The following HIF1AN variants were observed in gnomAD, a reference collection of about 807,000 sequenced individuals.
HIF1AN encodes hypoxia inducible factor 1 subunit alpha inhibitor.
In HIF1AN, 21 loss-of-function variants were observed where a neutral mutation model predicts 47.7. The observed-to-expected ratio is 0.44, with a 90% confidence interval of 0.31 to 0.63. The LOEUF is 0.63. Among genes scored for constraint, HIF1AN ranks in the 30% least tolerant of loss-of-function variants. The probability of loss-of-function intolerance (pLI) is 0.07; values close to 1 mark genes in which losing one functional copy is unlikely to be tolerated. For synonymous variants in HIF1AN, 152 were observed against 155.9 expected (o/e 0.98, Z 0.18); for missense variants, 320 against 432.7 (o/e 0.74, Z 2.31).
At chr10:100,536,799 C>A in intron 2 of HIF1AN, 138 bp downstream of exon 2, 2 of 956,012 alleles carry the variant, frequency 2.1e-6, no homozygotes, top group Non-Finnish European at 1.6e-6. Context: ...AAGGAGTAGT[C>A]TGGTCTTCCA....
chr10:100,536,609 C>G lies in HIF1AN; in HGVS notation c.376C>G (p.His126Asp). Reference protein sequence around the residue: ...PRSNREEMKFHEFVEKLQDIQ... With the variant: ...PRSNREEMKFDEFVEKLQDIQ... ...GTCCAACAGGGAAGAAATGAAATTT[C>G]ATGAGTTCGTTGAGAAACTGCAGGA... The change falls in exon 2 of 8, where the codon CAT becomes GAT. Residue 126 changes from histidine (H) to aspartate (D), a missense_variant. Coordinates refer to ENST00000299163, the MANE Select transcript of HIF1AN (RefSeq NM_017902.3). 6.2e-7 allele frequency: 1 copy of G among 1,614,146 alleles called. No homozygotes were observed.
At chr10:100,547,001 A>G (rs1009105758) in intron 6 of HIF1AN, 139 bp from the exon 7 acceptor site, 2 of 626,628 alleles carry the variant, frequency 3.2e-6, no homozygotes, top group African/African-American at 3.7e-5. Flanking sequence ...CGGCCTCCCA[A>G]AGTGCTGGGA....
rs1159487267 is a variant in HIF1AN at position 100,555,863 on chromosome 10, C to T, written c.*7726C>T. 6.6e-6 allele frequency: 1 copy of T among 152,204 alleles called. No individual in the cohort carries two copies. The highest frequency in any genetic ancestry group is 1.5e-5 in the Non-Finnish European group (1 of 68,054). 9.4% of individuals were successfully genotyped at this position (152,204 alleles called of 1,614,324 possible). On this transcript the variant is annotated 3_prime_UTR_variant, in exon 8 of 8. Transcript: ENST00000299163. ...TAAGCTTGGGCCAGGTTTTTATTACCTCTTGAATATATATAGTGCAATATA... is the reference window on the plus strand; with the variant it reads ...TAAGCTTGGGCCAGGTTTTTATTACTTCTTGAATATATATAGTGCAATATA...
intron 2 of HIF1AN, among the ~76,000 whole-genome samples, chr10:100,537,569 C>A (rs1476591811): frequency 6.6e-6 from 1 of 152,238 alleles, no homozygotes; most frequent in Non-Finnish European, 1.5e-5. Flanking sequence ...ACAAGACACA[C>A]AAGACAGTGA....
chr10:100,536,260 G>T, intron 1 of HIF1AN, 125 bp downstream of exon 1: 2 of 1,284,678 alleles, frequency 1.6e-6, no homozygotes, highest in Non-Finnish European at 2.2e-6. Flanking sequence ...AAGATGGAGA[G>T]AAAGGCGAGG....
rs989425412 is a variant in HIF1AN at position 100,536,487 on chromosome 10, T to C, written c.254T>C (p.Ile85Thr). The change falls in exon 2 of 8, where the codon ATT becomes ACT. Residue 85 changes from isoleucine to threonine, a missense_variant. Transcript: ENST00000299163. ...KWDLEYLQEN[I>T]GNGDFSVYSA... ...GACCTTGAATACCTGCAAGAGAATA[T>C]TGGCAATGGAGACTTCTCTGTGTAC... is the stretch of plus-strand genomic sequence containing the variant. 8 of 1,614,156 alleles carry C rather than the reference T, an allele frequency of 5.0e-6. No homozygotes were observed. Among genetic ancestry groups the C allele is most frequent in the Non-Finnish European group, 5.9e-6 (7 of 1,180,020 alleles).
rs1450485015 is a variant in HIF1AN, at chr10:100,557,378, CTA to C, written c.*9243_*9244del. On this transcript the variant is annotated 3_prime_UTR_variant, in exon 8 of 8. Transcript: ENST00000299163. ...TGACCTGCCAATGTGTGTGGAAATA[CTA>C]TGTAAACTGAGCACTATATAAATGC... 6.6e-6 allele frequency: 1 copy of C among 152,154 alleles called. No homozygotes were observed. The highest frequency in any genetic ancestry group is 1.5e-5 in the Non-Finnish European group (1 of 68,030). The allele number at this position is 152,154 out of a possible 1,614,324, so 9.4% of individuals were successfully genotyped here. A position where few individuals can be genotyped will look rare whatever the true frequency, so the allele number is the denominator to read the frequency against.
At chr10:100,539,674 C>T (rs1219654051) in intron 2 of HIF1AN, among the ~76,000 whole-genome samples, 1 of 152,190 alleles carries the variant, frequency 6.6e-6, no homozygotes, top group Non-Finnish European at 1.5e-5. Flanking sequence ...GTAGTGGTAA[C>T]TTGTTCTTAA....
At position 100,549,102 on chromosome 10, in the gene HIF1AN, G is replaced by C. The variant is rs548040146; in HGVS notation, c.*965G>C. 6.6e-6 allele frequency: 1 copy of C among 152,386 alleles called. No individual in the cohort carries two copies. The highest frequency in any genetic ancestry group is 2.4e-5 in the African/African-American group (1 of 41,294). The allele number at this position is 152,386 out of a possible 1,614,324, so 9.4% of individuals were successfully genotyped here. On this transcript the variant is annotated 3_prime_UTR_variant, in exon 8 of 8. Coordinates refer to ENST00000299163, the MANE Select transcript of HIF1AN (RefSeq NM_017902.3). The stretch of plus-strand genomic sequence containing the variant: ...TGTGTCCGTGTGTGTGTGTGTGTGT[G>C]TCCACACTGGCCAGCCTCCCTACTT...
rs1843217899 is a variant in HIF1AN at position 100,556,810 on chromosome 10, GTAGCATTGT to G, written c.*8676_*8684del. 1.3e-5 allele frequency: 2 copies of G among 152,184 alleles called. No homozygotes were observed. The highest frequency in any genetic ancestry group is 6.5e-5 in the Admixed American group (1 of 15,280). 9.4% of individuals were successfully genotyped at this position (152,184 alleles called of 1,614,324 possible). ...AGGGGTAGGAAATAGCACATAACTT[GTAGCATTGT>G]TATAAGGGCTCGTGATAATGTTTTT... On this transcript the variant is annotated 3_prime_UTR_variant, in exon 8 of 8. Transcript: ENST00000299163.
chr10:100,541,581 A>G (rs983185950), intron 3 of HIF1AN, among the ~76,000 whole-genome samples: 2 of 151,262 alleles, frequency 1.3e-5, no homozygotes, highest in Non-Finnish European at 2.9e-5. Context: ...GCTCACTGCA[A>G]CCTCCGCCTC....
Position 100,554,861 on chromosome 10 carries a change from C to G in HIF1AN, c.*6724C>G, listed in dbSNP as rs1380984637. Reference sequence around the variant, plus strand: ...TTAAGATTGTTCTAGGGGAGAAGGGCAATCAAAATTCAGAAAAATATGAGT... The same window carrying G: ...TTAAGATTGTTCTAGGGGAGAAGGGGAATCAAAATTCAGAAAAATATGAGT... On this transcript the variant is annotated 3_prime_UTR_variant, in exon 8 of 8. Coordinates refer to ENST00000299163, the MANE Select transcript of HIF1AN (RefSeq NM_017902.3). 1 of 151,328 alleles carries G rather than the reference C, an allele frequency of 6.6e-6. No homozygotes were observed. The highest frequency in any genetic ancestry group is 1.9e-4 in the East Asian group (1 of 5,172). The allele number at this position is 151,328 out of a possible 1,614,324, so 9.4% of individuals were successfully genotyped here. A position where few individuals can be genotyped will look rare whatever the true frequency, so the allele number is the denominator to read the frequency against.
At chr10:100,542,849 T>TG (rs1201399834) in intron 3 of HIF1AN, among the ~76,000 whole-genome samples, 2 of 90,408 alleles carry the variant, frequency 2.2e-5, no homozygotes, top group African/African-American at 8.4e-5. Context: ...TGAATGTGTT[T>TG]TTTTTTTTTT....
Position 100,554,968 on chromosome 10 carries a change from A to T in HIF1AN, c.*6831A>T, listed in dbSNP as rs530807416. ...CGTCCCCATGTGGTGCTCTCAGATC[A>T]GTAGGGGAGACAGGCAGGCAGTTAG... On this transcript the variant is annotated 3_prime_UTR_variant, in exon 8 of 8. Transcript: ENST00000299163. 6.6e-6 allele frequency: 1 copy of T among 152,304 alleles called. No homozygotes were observed. Among genetic ancestry groups the T allele is most frequent in the East Asian group, 1.9e-4 (1 of 5,184 alleles). 9.4% of individuals were successfully genotyped at this position (152,304 alleles called of 1,614,324 possible). A position where few individuals can be genotyped will look rare whatever the true frequency, so the allele number is the denominator to read the frequency against.
In HIF1AN at chr10:100,555,213, G is replaced by A. The variant is rs1843205095; in HGVS notation, c.*7076G>A. 1 of 152,238 alleles carries A rather than the reference G, an allele frequency of 6.6e-6. No individual in the cohort carries two copies. The highest frequency in any genetic ancestry group is 2.4e-5 in the African/African-American group (1 of 41,458). 9.4% of individuals were successfully genotyped at this position (152,238 alleles called of 1,614,324 possible). A position where few individuals can be genotyped will look rare whatever the true frequency, so the allele number is the denominator to read the frequency against. On this transcript the variant is annotated 3_prime_UTR_variant, in exon 8 of 8. Coordinates refer to ENST00000299163, the MANE Select transcript of HIF1AN (RefSeq NM_017902.3). The stretch of plus-strand genomic sequence containing the variant: ...TTGTCGTACCTTACTCCAGGGAATG[G>A]GTGAGACAGTAGATCCCAAGAAGAA...
At chr10:100,547,983 A>C in intron 7 of HIF1AN, 110 bp from the exon 8 acceptor site, 1 of 979,136 alleles carries the variant, frequency 1.0e-6, no homozygotes, top group Non-Finnish European at 1.6e-6. Flanking sequence ...GATTGTATGA[A>C]AACATTGTCT....
At chr10:100,542,846 G>GT (rs397730143) in intron 3 of HIF1AN, among the ~76,000 whole-genome samples, 72,943 of 109,738 alleles carry the variant, frequency 0.66, 25,278 homozygotes, top group East Asian at 0.76. Context: ...ATGTGAATGT[G>GT]TTTTTTTTTT....
rs1852222729 is a variant in HIF1AN at position 100,536,445 on chromosome 10, A to G, written c.212A>G (p.Tyr71Cys). 2.5e-6 allele frequency: 4 copies of G among 1,614,174 alleles called. No homozygotes were observed. Among genetic ancestry groups the G allele is most frequent in the Non-Finnish European group, 3.4e-6 (4 of 1,180,016 alleles). ...PVVLTDTNLVYPALKWDLEYL... is the reference protein window; with the variant it reads ...PVVLTDTNLVCPALKWDLEYL... ...GTGCTGACCGACACAAATCTTGTGTATCCTGCCCTGAAATGGGACCTTGAA... is the reference window on the plus strand; with the variant it reads ...GTGCTGACCGACACAAATCTTGTGTGTCCTGCCCTGAAATGGGACCTTGAA... Residue 71 changes from tyrosine (Y) to cysteine (C), a missense_variant, in exon 2 of 8, where the codon TAT (tyrosine) becomes TGT (cysteine). Around this residue, in one of 2 missense-constraint regions of HIF1AN, gnomAD observed 159 missense variants for 159.9 expected, o/e 0.99. Coordinates refer to ENST00000299163, the MANE Select transcript of HIF1AN (RefSeq NM_017902.3).
At chr10:100,537,259 T>C (rs1852236163) in intron 2 of HIF1AN, among the ~76,000 whole-genome samples, 2 of 152,162 alleles carry the variant, frequency 1.3e-5, no homozygotes, top group South Asian at 4.1e-4. Context: ...TTGGGAGATA[T>C]TCCGATTTTC....
Sources: gnomAD v4.1 joint callset for allele counts (sites outside exome capture counted in the v4.1 genomes callset) on GRCh38, gnomAD v4.1.1 for gene constraint, gnomAD v4.1.1 regional missense constraint, MANE v1.5 for transcripts, NCBI Gene and HGNC (gene_info 2026-07-23, HGNC 2026-07-21) for gene names.